Variants in MED13L observed in about 807,000 individuals in gnomAD.
MED13L encodes the protein mediator of RNA polymerase II transcription subunit 13-like.
A neutral mutation model predicts 220.9 loss-of-function variants in MED13L; 7 were observed. The ratio of observed to expected loss-of-function variants is 0.03; its 90% CI spans 0.02 to 0.06. The LOEUF (loss-of-function observed/expected upper bound fraction) is 0.06, where lower values mean the gene tolerates loss of function less well. MED13L is among the 10% of genes least tolerant of loss of function. MED13L has a pLI of 1.00. For missense variants in MED13L, 1,965 were observed against 2,760.5 expected (o/e 0.71, Z 6.46); for synonymous variants, 1,011 against 1,015.2 (o/e 1.00, Z 0.08).
intron 2 of MED13L, among the ~76,000 whole-genome samples, chr12:116,194,346 G>A (rs1335276162): frequency 1.3e-5 from 2 of 151,974 alleles, no homozygotes; most frequent in African/African-American, 4.8e-5. Context: ...TGTATTTTTA[G>A]TAGAGACAGG....
intron 1 of MED13L, among the ~76,000 whole-genome samples, chr12:116,252,284 A>C (rs1241023366): frequency 6.6e-6 from 1 of 152,168 alleles, no homozygotes; most frequent in South Asian, 2.1e-4. Context: ...CTAGTCCATA[A>C]AACAGTGTTC....
intron 2 of MED13L, among the ~76,000 whole-genome samples, chr12:116,156,402 T>TAAAAAAAAAAAA (rs11366103): frequency 1.4e-4 from 17 of 119,438 alleles, no homozygotes; most frequent in African/African-American, 4.7e-4. Context: ...TCCAATTACT[T>TAAAAAAAAAAAA]AAAAAAAAAA....
At chr12:116,094,580 C>T (rs1872511219) in intron 4 of MED13L, among the ~76,000 whole-genome samples, 2 of 152,180 alleles carry the variant, frequency 1.3e-5, no homozygotes, top group African/African-American at 2.4e-5. Flanking sequence ...ATTGCTACTC[C>T]TTCAATCCCT....
chr12:116,267,719 G>A (rs535512967), intron 1 of MED13L, among the ~76,000 whole-genome samples: 1 of 152,274 alleles, frequency 6.6e-6, no homozygotes, highest in Non-Finnish European at 1.5e-5. Flanking sequence ...CAAAAGCACT[G>A]CTATACAGCT....
intron 1 of MED13L, among the ~76,000 whole-genome samples, chr12:116,271,487 G>A (rs1026914211): frequency 9.2e-5 from 14 of 151,766 alleles, no homozygotes; most frequent in Non-Finnish European, 1.8e-4. Flanking sequence ...CCAGCTACTC[G>A]GGAGGCTGAG....
chr12:116,179,426 A>G (rs574638979), intron 2 of MED13L, among the ~76,000 whole-genome samples: 4 of 152,182 alleles, frequency 2.6e-5, no homozygotes, highest in Non-Finnish European at 5.9e-5. Flanking sequence ...CCTGGGCAAC[A>G]TAGTGACACC....
chr12:115,989,484 CT>C (rs879866491), intron 17 of MED13L, among the ~76,000 whole-genome samples: 1 of 151,906 alleles, frequency 6.6e-6, no homozygotes, highest in Non-Finnish European at 1.5e-5. Context: ...CTCGTCTATA[CT>C]TTTCTCCTCC....
intron 2 of MED13L, among the ~76,000 whole-genome samples, chr12:116,143,640 T>C (rs1877264727): frequency 6.6e-6 from 1 of 152,190 alleles, no homozygotes; most frequent in African/African-American, 2.4e-5. Context: ...TCTAAAATGT[T>C]TCCATCAAAT....
At chr12:116,184,386 G>A (rs574630045) in intron 2 of MED13L, among the ~76,000 whole-genome samples, 1 of 152,250 alleles carries the variant, frequency 6.6e-6, no homozygotes, top group South Asian at 2.1e-4. Flanking sequence ...CAAGAAATGT[G>A]GAGTTTGTAC....
At chr12:116,040,203 A>C (rs757609688) in intron 4 of MED13L, among the ~76,000 whole-genome samples, 1 of 152,242 alleles carries the variant, frequency 6.6e-6, no homozygotes, top group African/African-American at 2.4e-5. Context: ...CCTCATGCAT[A>C]AACACACTTC....
At chr12:116,206,904 C>T (rs1882370804) in intron 2 of MED13L, among the ~76,000 whole-genome samples, 1 of 151,936 alleles carries the variant, frequency 6.6e-6, no homozygotes, top group Admixed American at 6.6e-5. Flanking sequence ...CCCCCCAAAA[C>T]TCCAAAATAA....
intron 4 of MED13L, among the ~76,000 whole-genome samples, chr12:116,057,287 A>T (rs988479568): frequency 2.6e-5 from 4 of 152,216 alleles, no homozygotes; most frequent in African/African-American, 9.7e-5. Flanking sequence ...GCAGAAGCAC[A>T]TTCCACATGA....
chr12:116,072,402 A>G (rs2137689343), intron 4 of MED13L, among the ~76,000 whole-genome samples: 1 of 152,356 alleles, frequency 6.6e-6, no homozygotes, highest in East Asian at 1.9e-4. Context: ...TGAATTTTCT[A>G]AAGAGACTTC....
intron 1 of MED13L, among the ~76,000 whole-genome samples, chr12:116,273,791 T>C (rs1403424332): frequency 6.6e-6 from 1 of 152,210 alleles, no homozygotes; most frequent in Non-Finnish European, 1.5e-5. Flanking sequence ...AGAGCACATA[T>C]TTAAATCTAG....
At chr12:116,092,741 T>C (rs1326656423) in intron 4 of MED13L, among the ~76,000 whole-genome samples, 1 of 152,150 alleles carries the variant, frequency 6.6e-6, no homozygotes, top group Non-Finnish European at 1.5e-5. Flanking sequence ...GTTAAAGTAA[T>C]ATACTTTCAG....
chr12:115,965,946 C>T, intron 29 of MED13L, 136 bp downstream of exon 29: 1 of 1,112,570 alleles, frequency 9.0e-7, no homozygotes, highest in Non-Finnish European at 1.3e-6. Flanking sequence ...AAAATTTCCT[C>T]AGAGTATAAG....
intron 16 of MED13L, 86 bp downstream of exon 16, chr12:115,996,390 A>G: frequency 6.7e-7 from 1 of 1,490,260 alleles, no homozygotes. Flanking sequence ...CCGCGCCCGG[A>G]CCTTGTCATC....
chr12:116,092,121 G>A (rs1872272802), intron 4 of MED13L, among the ~76,000 whole-genome samples: 1 of 152,106 alleles, frequency 6.6e-6, no homozygotes, highest in Non-Finnish European at 1.5e-5. Flanking sequence ...TTTGTCTATG[G>A]ACTTCCCATC....
chr12:116,093,473 G>A (rs2137801503), intron 4 of MED13L, among the ~76,000 whole-genome samples: 1 of 152,010 alleles, frequency 6.6e-6, no homozygotes, highest in South Asian at 2.1e-4. Context: ...ACCCTTTTAG[G>A]AGTCCATTAG....
Sources: allele counts gnomAD v4.1 joint callset (sites outside exome capture counted in the v4.1 genomes callset), GRCh38; gene constraint gnomAD v4.1.1; transcripts MANE v1.5; gene names NCBI Gene and HGNC (gene_info 2026-07-23, HGNC 2026-07-21).